Variants in AGBL4 observed in about 807,000 individuals in gnomAD.
The protein encoded by AGBL4 is AGBL carboxypeptidase 4, also known as cytosolic carboxypeptidase 6.
A neutral mutation model predicts 66.4 loss-of-function variants in AGBL4; 58 were observed. The ratio of observed to expected loss-of-function variants is 0.87; its 90% CI spans 0.71 to 1.09. The LOEUF is 1.09. Ranked by LOEUF, AGBL4 falls within the 50% of genes least tolerant of loss-of-function variation. The pLI is 0.00. For synonymous variants in AGBL4, 234 were observed against 222.9 expected (o/e 1.05, Z -0.44); for missense variants, 579 against 631.0 (o/e 0.92, Z 0.88).
At chr1:49,196,113 G>A (rs1647241851) in intron 4 of AGBL4, among the ~76,000 whole-genome samples, 1 of 152,054 alleles carries the variant, frequency 6.6e-6, no homozygotes, top group Non-Finnish European at 1.5e-5. Context: ...TTTTTCCTAT[G>A]TAAATTACCC....
chr1:49,757,788 A>C (rs1014042163), intron 2 of AGBL4, among the ~76,000 whole-genome samples: 67 of 152,152 alleles, frequency 4.4e-4, no homozygotes, highest in African/African-American at 1.6e-3. Context: ...AAGAGGAAGA[A>C]GAGCATGAAA....
intron 3 of AGBL4, among the ~76,000 whole-genome samples, chr1:49,614,552 G>A (rs1219383378): frequency 6.6e-6 from 1 of 152,010 alleles, no homozygotes; most frequent in Non-Finnish European, 1.5e-5. Flanking sequence ...TACATTACCG[G>A]GACTGAAAAA....
At chr1:49,342,977 A>AG (rs1557855694) in intron 3 of AGBL4, among the ~76,000 whole-genome samples, 1 of 152,166 alleles carries the variant, frequency 6.6e-6, no homozygotes, top group Non-Finnish European at 1.5e-5. Context: ...TCCTGACTGG[A>AG]GTCTGGTAAT....
intron 6 of AGBL4, among the ~76,000 whole-genome samples, chr1:48,843,125 A>G (rs1558033829): frequency 6.6e-6 from 1 of 152,046 alleles, no homozygotes; most frequent in Non-Finnish European, 1.5e-5. Flanking sequence ...ATTTTACTTA[A>G]CTCTACTGAG....
At chr1:49,749,080 C>T (rs1651235829) in intron 2 of AGBL4, among the ~76,000 whole-genome samples, 1 of 152,132 alleles carries the variant, frequency 6.6e-6, no homozygotes, top group Admixed American at 6.6e-5. Context: ...GAAGTCTTTG[C>T]CCATGCCTAT....
intron 11 of AGBL4, among the ~76,000 whole-genome samples, chr1:48,567,905 G>A (rs1644501454): frequency 6.6e-6 from 1 of 152,140 alleles, no homozygotes; most frequent in African/African-American, 2.4e-5. Context: ...CTGAGGCTTG[G>A]GTCACTCCAG....
chr1:48,641,798 CTA>C (rs1645759215), intron 8 of AGBL4, among the ~76,000 whole-genome samples: 1 of 152,124 alleles, frequency 6.6e-6, no homozygotes, highest in African/African-American at 2.4e-5. Context: ...ACTCTAAAGC[CTA>C]TGTTCTTAGC....
intron 3 of AGBL4, among the ~76,000 whole-genome samples, chr1:49,295,179 A>G (rs1415010607): frequency 6.6e-6 from 1 of 152,164 alleles, no homozygotes; most frequent in Non-Finnish European, 1.5e-5. Context: ...TTAGAGTTCT[A>G]CCTTGTACAT....
chr1:49,589,703 T>C (rs542507342), intron 3 of AGBL4, among the ~76,000 whole-genome samples: 99 of 152,138 alleles, frequency 6.5e-4, no homozygotes, highest in Non-Finnish European at 1.1e-3. Flanking sequence ...GAGACAATGC[T>C]GGTTTATTAC....
At chr1:49,767,980 T>C (rs1337066641) in intron 2 of AGBL4, among the ~76,000 whole-genome samples, 1 of 140,890 alleles carries the variant, frequency 7.1e-6, no homozygotes, top group Non-Finnish European at 1.5e-5. Context: ...ACTTAAAGTA[T>C]AATTTAAAAA....
chr1:49,837,647 C>A (rs977651232), intron 2 of AGBL4, among the ~76,000 whole-genome samples: 2 of 152,114 alleles, frequency 1.3e-5, no homozygotes, highest in African/African-American at 4.8e-5. Flanking sequence ...GAGATCGGAC[C>A]ATCCTGGCTA....
At chr1:49,640,859 T>C (rs921362654) in intron 3 of AGBL4, among the ~76,000 whole-genome samples, 1 of 152,170 alleles carries the variant, frequency 6.6e-6, no homozygotes, top group African/African-American at 2.4e-5. Flanking sequence ...CTTGTATTTG[T>C]ACAGTGATTT....
Position 48,837,577 on chromosome 1 carries a change from G to A in AGBL4, c.634+29614C>T, listed in dbSNP as rs117002219. Among the ~76,000 whole-genome samples the A allele has an allele frequency of 9.3e-4, 140 of 151,304 alleles. 2 individuals carry two copies. In the East Asian group the frequency reaches 0.025, roughly 27 times the overall value. On this transcript the variant is annotated intron_variant, in intron 6 of 13. Coordinates refer to ENST00000371839, the MANE Select transcript of AGBL4 (RefSeq NM_032785.4). ...AATGAACTCCAAGTTCTTCAGCTTC[G>A]GGACTGGGACTGGCTTCCTTGCTGT...
chr1:49,359,356 C>T (rs1644089267), intron 3 of AGBL4, among the ~76,000 whole-genome samples: 1 of 152,146 alleles, frequency 6.6e-6, no homozygotes. Flanking sequence ...GAAAATAATA[C>T]TGTTTACCTC....
chr1:49,929,091 C>G (rs1416966390), intron 1 of AGBL4, among the ~76,000 whole-genome samples: 2 of 152,092 alleles, frequency 1.3e-5, no homozygotes, highest in Non-Finnish European at 2.9e-5. Context: ...TACATATTCT[C>G]ACTTATAAGT....
At chr1:49,797,759 T>C (rs1644765186) in intron 2 of AGBL4, among the ~76,000 whole-genome samples, 1 of 152,012 alleles carries the variant, frequency 6.6e-6, no homozygotes, top group Non-Finnish European at 1.5e-5. Flanking sequence ...TAATTATCAT[T>C]TTTCTTTTTT....
At chr1:49,579,447 C>T (rs1644499470) in intron 3 of AGBL4, among the ~76,000 whole-genome samples, 2 of 152,110 alleles carry the variant, frequency 1.3e-5, no homozygotes, top group Non-Finnish European at 2.9e-5. Flanking sequence ...TATAGTGTAT[C>T]TTGCAGAATG....
chr1:49,934,563 G>T (rs1334617676), intron 1 of AGBL4, among the ~76,000 whole-genome samples: 2 of 151,350 alleles, frequency 1.3e-5, no homozygotes, highest in Admixed American at 1.3e-4. Context: ...ACAACCAATG[G>T]GTCAAAAAAG....
chr1:49,933,434 A>T (rs1343802209), intron 1 of AGBL4, among the ~76,000 whole-genome samples: 1 of 152,172 alleles, frequency 6.6e-6, no homozygotes, highest in Admixed American at 6.5e-5. Flanking sequence ...AAAAGGTGCT[A>T]AACAGCAACA....
Sources: allele counts gnomAD v4.1 joint callset (sites outside exome capture counted in the v4.1 genomes callset), GRCh38; gene constraint gnomAD v4.1.1; transcripts MANE v1.5; gene names NCBI Gene and HGNC (gene_info 2026-07-23, HGNC 2026-07-21).